PDLIM5: variants seen among roughly 807,000 people sequenced by gnomAD.
The protein encoded by PDLIM5 is PDZ and LIM domain 5.
A neutral mutation model predicts 64.2 loss-of-function variants in PDLIM5; 34 were observed. That is an observed-to-expected ratio of 0.53 (90% CI 0.40 to 0.71). PDLIM5 has a LOEUF of 0.71. Ranked by LOEUF, PDLIM5 falls within the 30% of genes least tolerant of loss-of-function variation. The pLI, the probability that PDLIM5 is intolerant of heterozygous loss-of-function variation, is 0.00. For synonymous variants in PDLIM5, 253 were observed against 269.1 expected, an observed-to-expected ratio of 0.94 and a Z score of 0.59; for missense variants, 683 against 733.6, an observed-to-expected ratio of 0.93 and a Z score of 0.80.
chr4:94,592,239 T>A (rs977426011), intron 7 of PDLIM5, among the ~76,000 whole-genome samples: 1 of 152,210 alleles, frequency 6.6e-6, no homozygotes, highest in Non-Finnish European at 1.5e-5. Context: ...AAATTAGGAT[T>A]TACTGAGTAA....
In PDLIM5 at chr4:94,637,286, C is replaced by T. The variant is rs551150353; in HGVS notation, c.1109-2990C>T. On this transcript the variant is annotated intron_variant, in intron 8 of 12. Transcript: ENST00000317968. ...TAAGAATAGTGCCTTCAAGATCAGG[C>T]GTGGTGGCTGATGCCTGTGGTCCCA... Among the ~76,000 whole-genome samples the T allele has an allele frequency of 1.4e-4, 21 of 152,252 alleles. No homozygotes were observed. The South Asian group carries it at 1.7e-3, about 12-fold the overall frequency.
At chr4:94,639,755 C>T (rs1409425848) in intron 8 of PDLIM5, among the ~76,000 whole-genome samples, 2 of 152,120 alleles carry the variant, frequency 1.3e-5, no homozygotes, top group East Asian at 3.9e-4. Flanking sequence ...AGAAATAACT[C>T]ACCTTCAATA....
chr4:94,518,596 C>T (rs527511849), intron 2 of PDLIM5, among the ~76,000 whole-genome samples: 133 of 152,182 alleles, frequency 8.7e-4, no homozygotes, highest in Middle Eastern at 3.4e-3. Flanking sequence ...TTTAAAGGCA[C>T]GCAAGTATTA....
chr4:94,538,597 AG>A (rs1364597599), intron 3 of PDLIM5, among the ~76,000 whole-genome samples: 2 of 152,168 alleles, frequency 1.3e-5, no homozygotes, highest in African/African-American at 4.8e-5. Context: ...ATGTTCTTTT[AG>A]GTATCTCATC....
intron 7 of PDLIM5, among the ~76,000 whole-genome samples, chr4:94,611,753 TTTA>T (rs1738382693): frequency 6.6e-6 from 1 of 152,182 alleles, no homozygotes; most frequent in Admixed American, 6.5e-5. Context: ...ATCACAAGTG[TTTA>T]CTAAAGATAT....
At chr4:94,587,617 T>C in intron 7 of PDLIM5, 1 of 973,268 alleles carries the variant, frequency 1.0e-6, no homozygotes. Context: ...GCATTGTAGA[T>C]TTAGGTATCT....
At chr4:94,634,883 C>G (rs1347911129) in intron 8 of PDLIM5, among the ~76,000 whole-genome samples, 1 of 152,136 alleles carries the variant, frequency 6.6e-6, no homozygotes. Context: ...TCTAGCAACT[C>G]TGTATATTGT....
intron 5 of PDLIM5, chr4:94,585,148 TG>T (rs1465875039): frequency 1.1e-5 from 6 of 546,306 alleles, no homozygotes; most frequent in Middle Eastern, 5.0e-4. Context: ...TGGAGTGCAG[TG>T]GTGCGATCTT....
At chr4:94,631,876 C>G (rs1740177979) in intron 8 of PDLIM5, among the ~76,000 whole-genome samples, 1 of 152,158 alleles carries the variant, frequency 6.6e-6, no homozygotes, top group Admixed American at 6.5e-5. Flanking sequence ...TGTACTTTCC[C>G]TGAAACAGTC....
intron 7 of PDLIM5, among the ~76,000 whole-genome samples, chr4:94,615,495 G>A (rs963902002): frequency 1.3e-5 from 2 of 151,982 alleles, no homozygotes; most frequent in Non-Finnish European, 2.9e-5. Flanking sequence ...AGTAGGAAGA[G>A]GTACCTCGTA....
At position 94,575,991 on chromosome 4, in the gene PDLIM5, G is replaced by A. The variant is rs563224873; in HGVS notation, c.667G>A (p.Gly223Arg). ...CGAGACTTCTCAGGAGCTAGCAGAGGGACAGAGAAGAGGATCCCAGGGTGA... is the reference window on the plus strand; with the variant it reads ...CGAGACTTCTCAGGAGCTAGCAGAGAGACAGAGAAGAGGATCCCAGGGTGA... ...CSETSQELAE[G>R]QRRGSQGDSK... The change falls in exon 5 of 13, where the codon GGA (glycine) becomes AGA (arginine). Residue 223 changes from glycine to arginine, a missense_variant. By Grantham distance (125) the Gly-to-Arg change is moderately radical (BLOSUM62 -2). Coordinates refer to ENST00000317968, the MANE Select transcript of PDLIM5 (RefSeq NM_006457.5). 6.2e-7 allele frequency: 1 copy of A among 1,614,084 alleles called. No individual in the cohort carries two copies. The highest frequency in any genetic ancestry group is 8.5e-7 in the Non-Finnish European group (1 of 1,179,990).
chr4:94,641,531 C>A (rs1543013), intron 9 of PDLIM5, among the ~76,000 whole-genome samples: 55,637 of 151,880 alleles, frequency 0.37, 11,214 homozygotes, highest in South Asian at 0.61. Context: ...TTCATTGTGA[C>A]GTTTAAAAAA....
At chr4:94,588,149 C>G in intron 7 of PDLIM5, 1 of 959,940 alleles carries the variant, frequency 1.0e-6, no homozygotes, top group Non-Finnish European at 1.2e-6. Flanking sequence ...GTTCTGTTTC[C>G]TTGAGGCTAG....
intron 9 of PDLIM5, among the ~76,000 whole-genome samples, chr4:94,642,984 T>C (rs1349234346): frequency 3.3e-5 from 5 of 152,338 alleles, no homozygotes; most frequent in Admixed American, 2.6e-4. Context: ...ATATTTACTT[T>C]TCAATATTTC....
chr4:94,520,362 C>T lies in PDLIM5; in HGVS notation c.97-3362C>T, dbSNP rs527726500. On this transcript the variant is annotated intron_variant, in intron 2 of 12. Coordinates refer to ENST00000317968, the MANE Select transcript of PDLIM5 (RefSeq NM_006457.5). Reference sequence around the variant, plus strand: ...ACTGTGCTTTTATGAAATACATACACACTTATGGCTGCCGTGTACAAGATA... The same window carrying T: ...ACTGTGCTTTTATGAAATACATACATACTTATGGCTGCCGTGTACAAGATA... 7.9e-5 allele frequency among the ~76,000 whole-genome samples: 12 copies of T among 152,318 alleles called. No individual in the cohort carries two copies. In the East Asian group the frequency reaches 2.3e-3, roughly 29 times the overall value.
intron 3 of PDLIM5, among the ~76,000 whole-genome samples, chr4:94,559,128 G>T (rs900268202): frequency 2.6e-5 from 4 of 152,084 alleles, no homozygotes; most frequent in African/African-American, 9.7e-5. Context: ...AAATAAAAAA[G>T]ATATTATTAT....
At chr4:94,511,296 G>A (rs1480226014) in intron 2 of PDLIM5, among the ~76,000 whole-genome samples, 2 of 152,128 alleles carry the variant, frequency 1.3e-5, no homozygotes, top group Non-Finnish European at 2.9e-5. Context: ...AAATTTTAGT[G>A]TGCATACCTT....
chr4:94,519,822 T>C (rs973795646), intron 2 of PDLIM5, among the ~76,000 whole-genome samples: 4 of 152,222 alleles, frequency 2.6e-5, no homozygotes, highest in African/African-American at 7.2e-5. Context: ...AGCTCAAGGA[T>C]CTGATTCCAT....
At chr4:94,535,003 GC>G (rs1731197180) in intron 3 of PDLIM5, among the ~76,000 whole-genome samples, 1 of 152,188 alleles carries the variant, frequency 6.6e-6, no homozygotes, top group African/African-American at 2.4e-5. Flanking sequence ...AGAATACTAA[GC>G]CTTGCAGGGT....
Sources: allele counts gnomAD v4.1 joint callset (sites outside exome capture counted in the v4.1 genomes callset), GRCh38; gene constraint gnomAD v4.1.1; transcripts MANE v1.5; gene names NCBI Gene and HGNC (gene_info 2026-07-23, HGNC 2026-07-21).